RAPGEF6: variants seen among roughly 807,000 people sequenced by gnomAD.
The protein encoded by RAPGEF6 is Rap guanine nucleotide exchange factor 6.
Under a neutral mutation model 171.4 loss-of-function variants are expected in RAPGEF6, and 56 were observed. That is an observed-to-expected ratio of 0.33 (90% confidence interval 0.26 to 0.41). The LOEUF (loss-of-function observed/expected upper bound fraction) is 0.41, where lower values mean the gene tolerates loss of function less well. RAPGEF6 is among the 10% of genes least tolerant of loss of function. RAPGEF6 has a pLI of 1.00. For synonymous variants in RAPGEF6, 692 were observed against 650.1 expected (o/e 1.06, Z -0.98); for missense variants, 1,674 against 1,921.4 (o/e 0.87, Z 2.41).
chr5:131,578,713 A>G (rs1171347176), intron 4 of RAPGEF6, among the ~76,000 whole-genome samples: 8 of 152,182 alleles, frequency 5.3e-5, no homozygotes, highest in African/African-American at 1.9e-4. Context: ...TATCTCCAGA[A>G]CCCAGTCACG....
At chr5:131,530,178 A>G (rs1160439657) in intron 6 of RAPGEF6, among the ~76,000 whole-genome samples, 2 of 151,510 alleles carry the variant, frequency 1.3e-5, no homozygotes, top group African/African-American at 4.8e-5. Flanking sequence ...AACATAACTA[A>G]CTACTAATAA....
chr5:131,602,213 C>A (rs192916357), intron 3 of RAPGEF6, among the ~76,000 whole-genome samples: 181 of 152,152 alleles, frequency 1.2e-3, no homozygotes, highest in African/African-American at 4.3e-3. Context: ...TAACACAAAC[C>A]TAGAAGATGG....
At chr5:131,564,797 C>G (rs1382759264) in intron 4 of RAPGEF6, among the ~76,000 whole-genome samples, 1 of 152,096 alleles carries the variant, frequency 6.6e-6, no homozygotes, top group Non-Finnish European at 1.5e-5. Context: ...ACGAACACAA[C>G]AGAGAGATAT....
intron 6 of RAPGEF6, among the ~76,000 whole-genome samples, chr5:131,536,069 A>G (rs1036526421): frequency 6.6e-6 from 1 of 152,210 alleles, no homozygotes; most frequent in African/African-American, 2.4e-5. Context: ...TAGAGAAGTC[A>G]AACGCCAAAG....
chr5:131,540,551 G>A (rs1441321288), intron 6 of RAPGEF6, among the ~76,000 whole-genome samples: 1 of 152,190 alleles, frequency 6.6e-6, no homozygotes, highest in Non-Finnish European at 1.5e-5. Flanking sequence ...GCAACAGAGC[G>A]AGACCCTGTC....
At chr5:131,516,044 T>A in intron 7 of RAPGEF6, among the ~76,000 whole-genome samples, 1 of 57,774 alleles carries the variant, frequency 1.7e-5, no homozygotes, top group South Asian at 8.1e-4. Context: ...TCAGATGATA[T>A]CCTTTTTTTT....
At chr5:131,558,463 T>C (rs1761382682) in intron 5 of RAPGEF6, among the ~76,000 whole-genome samples, 1 of 152,140 alleles carries the variant, frequency 6.6e-6, no homozygotes, top group South Asian at 2.1e-4. Flanking sequence ...TTATTCTAAG[T>C]TTGCTTTTAT....
chr5:131,440,020 A>C (rs751227535), intron 23 of RAPGEF6: 1 of 414,042 alleles, frequency 2.4e-6, no homozygotes, highest in Non-Finnish European at 4.5e-6. Context: ...CAATTGACAC[A>C]GTGATTTGAA....
At chr5:131,625,764 C>T (rs533971745) in intron 1 of RAPGEF6, among the ~76,000 whole-genome samples, 2 of 148,642 alleles carry the variant, frequency 1.3e-5, no homozygotes, top group East Asian at 2.0e-4. Context: ...TGCAGTCAGC[C>T]GAGATAGCGC....
chr5:131,483,511 A>G (rs1051645104), intron 15 of RAPGEF6, among the ~76,000 whole-genome samples: 2 of 152,176 alleles, frequency 1.3e-5, no homozygotes, highest in Admixed American at 6.5e-5. Context: ...ACATAACTAC[A>G]ATGCTATTAA....
At position 131,510,341 on chromosome 5, in the gene RAPGEF6, G is replaced by A. The variant is rs779148521; in HGVS notation, c.778C>T (p.Pro260Ser). ...ATGTCATCATCAGTTTTGTCTGCAG[G>A]TTCTTTTTCAAGACATTCTCGAACA... Reference protein sequence around the residue: ...DLVRECLEKEPADKTDDDIEQ... With the variant: ...DLVRECLEKESADKTDDDIEQ... The change falls in exon 8 of 28, where the codon CCT becomes TCT. Residue 260 changes from proline to serine, a missense_variant. Physicochemically the swap from Pro to Ser is moderately conservative, Grantham distance 74. Coordinates refer to ENST00000509018, the MANE Select transcript of RAPGEF6 (RefSeq NM_016340.6). 6.2e-7 allele frequency: 1 copy of A among 1,613,586 alleles called. No individual in the cohort carries two copies. The highest frequency in any genetic ancestry group is 8.5e-7 in the Non-Finnish European group (1 of 1,179,894).
intron 18 of RAPGEF6, chr5:131,463,679 T>C: frequency 1.1e-6 from 1 of 880,794 alleles, no homozygotes; most frequent in Non-Finnish European, 1.4e-6. Context: ...TTTAAAATTT[T>C]CCTGCATATT....
At chr5:131,546,603 CAA>C in intron 6 of RAPGEF6, among the ~76,000 whole-genome samples, 1 of 130,132 alleles carries the variant, frequency 7.7e-6, no homozygotes, top group South Asian at 2.4e-4. Context: ...CACTCCATCT[CAA>C]AAAAAAAAAA....
At chr5:131,501,258 C>T (rs1370405219) in intron 11 of RAPGEF6, among the ~76,000 whole-genome samples, 3 of 151,930 alleles carry the variant, frequency 2.0e-5, no homozygotes, top group African/African-American at 7.3e-5. Context: ...GTTGCCTGAA[C>T]CCAGGAGGCA....
intron 24 of RAPGEF6, among the ~76,000 whole-genome samples, chr5:131,438,083 G>C (rs1027842957): frequency 4.5e-4 from 66 of 147,360 alleles, no homozygotes; most frequent in Admixed American, 1.2e-3. Context: ...CCGCCTCCTT[G>C]GTTCAAGTGA....
At chr5:131,478,469 T>A (rs1465917740) in intron 16 of RAPGEF6, among the ~76,000 whole-genome samples, 1 of 152,192 alleles carries the variant, frequency 6.6e-6, no homozygotes, top group Non-Finnish European at 1.5e-5. Context: ...AAGTCTATTA[T>A]CTTTAGCATA....
intron 6 of RAPGEF6, among the ~76,000 whole-genome samples, chr5:131,528,142 AC>A (rs1300611342): frequency 5.2e-4 from 26 of 49,568 alleles, no homozygotes; most frequent in Non-Finnish European, 8.3e-4. Context: ...TATAATATAT[AC>A]TATATATAAT....
At chr5:131,507,620 C>T (rs146560868) in intron 9 of RAPGEF6, among the ~76,000 whole-genome samples, 176 of 152,174 alleles carry the variant, frequency 1.2e-3, no homozygotes, top group African/African-American at 4.2e-3. Context: ...TCAGCAGTTC[C>T]CTAGGATGCA....
intron 16 of RAPGEF6, among the ~76,000 whole-genome samples, chr5:131,475,049 G>T (rs1167868255): frequency 1.3e-5 from 2 of 152,228 alleles, no homozygotes; most frequent in Non-Finnish European, 2.9e-5. Context: ...TCTTGCTGAT[G>T]CTATTTAACA....
Sources: gnomAD v4.1 joint callset for allele counts (sites outside exome capture counted in the v4.1 genomes callset) on GRCh38, gnomAD v4.1.1 for gene constraint, MANE v1.5 for transcripts, NCBI Gene and HGNC (gene_info 2026-07-23, HGNC 2026-07-21) for gene names.